NLGN1: variants seen among roughly 807,000 people sequenced by gnomAD.
NLGN1 encodes the protein neuroligin-1.
NLGN1 carries 12 observed loss-of-function variants against 65.5 expected under a neutral mutation model. The ratio of observed to expected loss-of-function variants is 0.18; its 90% CI spans 0.12 to 0.30. The LOEUF is 0.30. Ranked by LOEUF, NLGN1 falls within the 10% of genes least tolerant of loss-of-function variation. NLGN1 has a pLI of 1.00. For missense variants in NLGN1, 750 were observed against 1,007.1 expected (o/e 0.74, Z 3.46); for synonymous variants, 350 against 359.5 (o/e 0.97, Z 0.30).
chr3:173,593,894 T>A (rs1748982210), intron 2 of NLGN1, among the ~76,000 whole-genome samples: 1 of 152,128 alleles, frequency 6.6e-6, no homozygotes, highest in South Asian at 2.1e-4. Flanking sequence ...AAGCAGAAAC[T>A]CCTGATAAAA....
intron 4 of NLGN1, among the ~76,000 whole-genome samples, chr3:173,952,678 A>G (rs139773997): frequency 3.5e-4 from 53 of 152,272 alleles, no homozygotes; most frequent in African/African-American, 1.2e-3. Flanking sequence ...CAGAGATCCC[A>G]TATGTTTATT....
intron 3 of NLGN1, among the ~76,000 whole-genome samples, chr3:173,750,132 G>A (rs1017142816): frequency 6.6e-6 from 1 of 152,042 alleles, no homozygotes; most frequent in African/African-American, 2.4e-5. Context: ...GTCCTGCCCT[G>A]ATTCGCCCTG....
intron 3 of NLGN1, among the ~76,000 whole-genome samples, chr3:173,661,659 T>A (rs543593824): frequency 2.6e-5 from 4 of 152,160 alleles, no homozygotes; most frequent in African/African-American, 9.6e-5. Context: ...ATGTTGTGAT[T>A]AGAGAAATGT....
intron 3 of NLGN1, among the ~76,000 whole-genome samples, chr3:173,802,698 T>C (rs1715696589): frequency 6.6e-6 from 1 of 152,118 alleles, no homozygotes; most frequent in South Asian, 2.1e-4. Context: ...CAGTCAGAAG[T>C]CAGGTCATCA....
intron 2 of NLGN1, among the ~76,000 whole-genome samples, chr3:173,542,893 A>G (rs1739134800): frequency 1.3e-5 from 2 of 152,112 alleles, no homozygotes. Flanking sequence ...TTTTATCTAA[A>G]TAGTTGTAGC....
chr3:173,422,717 T>G (rs1715325651), intron 1 of NLGN1, among the ~76,000 whole-genome samples: 1 of 152,200 alleles, frequency 6.6e-6, no homozygotes, highest in Admixed American at 6.5e-5. Flanking sequence ...CTCTGATGAT[T>G]AGTAATGTTG....
At chr3:173,758,433 A>G (rs1347405072) in intron 3 of NLGN1, among the ~76,000 whole-genome samples, 1 of 152,072 alleles carries the variant, frequency 6.6e-6, no homozygotes, top group African/African-American at 2.4e-5. Context: ...TGTCAATAAA[A>G]CAGAATGTGA....
At chr3:174,146,662 G>T (rs1248991407) in intron 4 of NLGN1, among the ~76,000 whole-genome samples, 1 of 151,620 alleles carries the variant, frequency 6.6e-6, no homozygotes, top group African/African-American at 2.4e-5. Flanking sequence ...CCGCCTCCCG[G>T]GTCAAAGCGA....
At chr3:174,241,729 C>CT (rs1742877412) in intron 4 of NLGN1, among the ~76,000 whole-genome samples, 1 of 151,770 alleles carries the variant, frequency 6.6e-6, no homozygotes, top group Non-Finnish European at 1.5e-5. Context: ...TCTCGGCTCA[C>CT]TGCAAGCTCC....
At chr3:173,711,325 T>C (rs1768938873) in intron 3 of NLGN1, among the ~76,000 whole-genome samples, 1 of 152,054 alleles carries the variant, frequency 6.6e-6, no homozygotes, top group Non-Finnish European at 1.5e-5. Flanking sequence ...GAAAAATCAG[T>C]GTGTAAGTTG....
intron 4 of NLGN1, among the ~76,000 whole-genome samples, chr3:173,875,635 A>G (rs756482544): frequency 3.3e-5 from 5 of 152,318 alleles, no homozygotes; most frequent in African/African-American, 1.2e-4. Context: ...TTATTTTTAA[A>G]TGAGAAAATA....
chr3:173,467,278 T>G (rs1405029419), intron 2 of NLGN1, among the ~76,000 whole-genome samples: 1 of 152,118 alleles, frequency 6.6e-6, no homozygotes, highest in East Asian at 1.9e-4. Flanking sequence ...AGAATCATTT[T>G]AAATATATAC....
intron 2 of NLGN1, among the ~76,000 whole-genome samples, chr3:173,510,886 A>G (rs548425681): frequency 6.6e-6 from 1 of 152,294 alleles, no homozygotes; most frequent in East Asian, 1.9e-4. Context: ...CATTGTTACT[A>G]CTTGGTATAT....
chr3:173,725,376 A>G (rs1771596763), intron 3 of NLGN1, among the ~76,000 whole-genome samples: 1 of 152,254 alleles, frequency 6.6e-6, no homozygotes, highest in South Asian at 2.1e-4. Flanking sequence ...ACTAAACCAG[A>G]ATGGGAATGA....
At chr3:173,995,598 TCA>T (rs1722089579) in intron 4 of NLGN1, among the ~76,000 whole-genome samples, 1 of 151,770 alleles carries the variant, frequency 6.6e-6, no homozygotes, top group Admixed American at 6.6e-5. Flanking sequence ...TGTGAATTGA[TCA>T]GTCACTCCAA....
chr3:173,840,750 A>G lies in NLGN1; in HGVS notation c.646+32918A>G, dbSNP rs372527167. Among the ~76,000 whole-genome samples, 3 of 152,244 alleles carry G rather than the reference A, an allele frequency of 2.0e-5. No homozygotes were observed. In the East Asian group the frequency reaches 5.8e-4, roughly 29 times the overall value. On this transcript the variant is annotated intron_variant, in intron 4 of 6. Transcript: ENST00000457714. Reference sequence around the variant, plus strand: ...TTTATTGCAGTCACAGATGCTGTGTATCCTCTTTCCAGTCTCCCATCATTA... The same window carrying G: ...TTTATTGCAGTCACAGATGCTGTGTGTCCTCTTTCCAGTCTCCCATCATTA...
chr3:174,076,197 C>G (rs1441596936), intron 4 of NLGN1, among the ~76,000 whole-genome samples: 1 of 151,862 alleles, frequency 6.6e-6, no homozygotes, highest in Admixed American at 6.6e-5. Context: ...AGAAGTGATA[C>G]AGGCAATAAC....
At chr3:173,851,124 C>T (rs1023710868) in intron 4 of NLGN1, among the ~76,000 whole-genome samples, 8 of 152,120 alleles carry the variant, frequency 5.3e-5, no homozygotes, top group Non-Finnish European at 1.0e-4. Flanking sequence ...TCCGATTGAT[C>T]AAGACCACTG....
chr3:173,681,451 G>A (rs1402298694), intron 3 of NLGN1, among the ~76,000 whole-genome samples: 1 of 152,144 alleles, frequency 6.6e-6, no homozygotes, highest in African/African-American at 2.4e-5. Context: ...GTAATTGTAA[G>A]TAGGTATTTT....
Sources: allele counts gnomAD v4.1 joint callset (sites outside exome capture counted in the v4.1 genomes callset), GRCh38; gene constraint gnomAD v4.1.1; transcripts MANE v1.5; gene names NCBI Gene and HGNC (gene_info 2026-07-23, HGNC 2026-07-21).